Variants in SLC4A4 observed in about 807,000 individuals in gnomAD.
SLC4A4 encodes the protein solute carrier family 4 member 4.
In SLC4A4, 27 loss-of-function variants were observed where a neutral mutation model predicts 111.5. That is an observed-to-expected ratio of 0.24 (90% CI 0.18 to 0.33). The LOEUF is 0.33. SLC4A4 is among the 10% of genes least tolerant of loss of function. The probability of loss-of-function intolerance (pLI) is 1.00; values close to 1 mark genes in which losing one functional copy is unlikely to be tolerated. For missense variants in SLC4A4, 909 were observed against 1,315.5 expected (o/e 0.69, Z 4.78); for synonymous variants, 443 against 463.4 (o/e 0.96, Z 0.57).
chr4:71,560,066 T>G, intron 22 of SLC4A4, 27 bp from the exon 23 acceptor site: 1 of 1,571,638 alleles, frequency 6.4e-7, no homozygotes, highest in South Asian at 1.1e-5. Context: ...ATGGTTTCTT[T>G]CATACTTTTA....
Position 71,571,747 on chromosome 4 carries a change from C to T in SLC4A4, c.*3996C>T, listed in dbSNP as rs1407325241. 1.3e-5 allele frequency: 2 copies of T among 152,152 alleles called. No homozygotes were observed. The highest frequency in any genetic ancestry group is 2.9e-5 in the Non-Finnish European group (2 of 67,842). The allele number at this position is 152,152 out of a possible 1,614,324, so 9.4% of individuals were successfully genotyped here. ...TTCATGGCTGGTACATATTCGTACG[C>T]ATTACTTTTCAGAATCAATACGCAC... On this transcript the variant is annotated 3_prime_UTR_variant, in exon 26 of 26. Coordinates refer to ENST00000264485, the MANE Select transcript of SLC4A4 (RefSeq NM_001098484.3).
At chr4:71,136,158 A>T (rs1743837681) in intron 2 of SLC4A4, among the ~76,000 whole-genome samples, 1 of 152,198 alleles carries the variant, frequency 6.6e-6, no homozygotes, top group Non-Finnish European at 1.5e-5. Context: ...CCCTGTTTTA[A>T]TACTTCTGTG....
At chr4:71,199,554 C>T (rs1489742261) in intron 1 of SLC4A4, among the ~76,000 whole-genome samples, 1 of 152,184 alleles carries the variant, frequency 6.6e-6, no homozygotes, top group Non-Finnish European at 1.5e-5. Flanking sequence ...CCTGGAAAGT[C>T]TGGTGCCATG....
chr4:71,485,524 G>A (rs929823535), intron 14 of SLC4A4, among the ~76,000 whole-genome samples: 1 of 151,434 alleles, frequency 6.6e-6, no homozygotes, highest in Admixed American at 6.6e-5. Context: ...ATGTGCTTCA[G>A]CCTATTTTAA....
intron 6 of SLC4A4, among the ~76,000 whole-genome samples, chr4:71,380,419 T>G (rs1294739609): frequency 6.6e-6 from 1 of 152,182 alleles, no homozygotes; most frequent in African/African-American, 2.4e-5. Context: ...TCTGTCTCTT[T>G]CTGGGCAGGT....
At chr4:71,361,878 A>G (rs1380859141) in intron 6 of SLC4A4, among the ~76,000 whole-genome samples, 1 of 152,230 alleles carries the variant, frequency 6.6e-6, no homozygotes, top group South Asian at 2.1e-4. Context: ...TATTCATTCA[A>G]TAAATATTTA....
chr4:71,318,680 A>G (rs1726885592), intron 3 of SLC4A4, among the ~76,000 whole-genome samples: 1 of 152,044 alleles, frequency 6.6e-6, no homozygotes, highest in Non-Finnish European at 1.5e-5. Context: ...TGAATATAAC[A>G]TTACAAGAAC....
Position 71,472,926 on chromosome 4 carries a change from G to A in SLC4A4, c.1859G>A (p.Gly620Asp). The change falls in exon 14 of 26, where the codon GGC becomes GAC. Residue 620 changes from glycine to aspartate, a missense_variant. Gly to Asp is a moderately conservative substitution (Grantham distance 94). Around this residue, in one of 7 missense-constraint regions of SLC4A4, gnomAD observed 264 missense variants for 356.8 expected, o/e 0.74. Transcript: ENST00000264485. Reference sequence around the variant, plus strand: ...CCCATCAACTCCAACTTCAAAGTGGGCTACAACACTCTCTTTTCCTGTACC... The same window carrying A: ...CCCATCAACTCCAACTTCAAAGTGGACTACAACACTCTCTTTTCCTGTACC... ...YYPINSNFKV[G>D]YNTLFSCTCV... 6.2e-7 allele frequency: 1 copy of A among 1,612,948 alleles called. No homozygotes were observed. The highest frequency in any genetic ancestry group is 1.1e-5 in the South Asian group (1 of 91,044).
chr4:71,358,667 C>A (rs925061776), intron 6 of SLC4A4, among the ~76,000 whole-genome samples: 1 of 151,948 alleles, frequency 6.6e-6, no homozygotes, highest in Non-Finnish European at 1.5e-5. Context: ...TAGAATATTG[C>A]TGCTGATGGG....
chr4:71,094,632 C>T (rs1742489386), intron 2 of SLC4A4, among the ~76,000 whole-genome samples: 1 of 152,028 alleles, frequency 6.6e-6, no homozygotes, highest in Admixed American at 6.6e-5. Flanking sequence ...TTGACAAATC[C>T]CAATATGTTA....
chr4:71,265,555 C>A (rs1328114416), intron 3 of SLC4A4, among the ~76,000 whole-genome samples: 2 of 152,028 alleles, frequency 1.3e-5, no homozygotes, highest in Admixed American at 6.6e-5. Context: ...AAAGAAAAAT[C>A]ACTGGGTGAA....
chr4:71,180,483 T>A (rs1383050918), intron 2 of SLC4A4, among the ~76,000 whole-genome samples: 4 of 152,124 alleles, frequency 2.6e-5, no homozygotes, highest in Non-Finnish European at 5.9e-5. Flanking sequence ...AGAATCTACA[T>A]TGAACTCCAA....
intron 2 of SLC4A4, among the ~76,000 whole-genome samples, chr4:71,177,376 A>G (rs1465610899): frequency 1.3e-5 from 2 of 151,646 alleles, no homozygotes; most frequent in Non-Finnish European, 1.5e-5. Context: ...TAAAAGACAC[A>G]GACTGGCAAA....
Position 71,229,938 on chromosome 4 carries a change from C to T in SLC4A4, c.-1-6638C>T, listed in dbSNP as rs181815415. 2.2e-4 allele frequency among the ~76,000 whole-genome samples: 34 copies of T among 151,722 alleles called. No individual in the cohort carries two copies. In the East Asian group the frequency reaches 6.4e-3, roughly 29 times the overall value. On this transcript the variant is annotated intron_variant, in intron 1 of 25. Transcript: ENST00000264485. The stretch of plus-strand genomic sequence containing the variant: ...CAAAAGATGGCAGTGCACTTTGCAG[C>T]CACTGAGATCGCTCTTCCCTGTCGC...
intron 2 of SLC4A4, among the ~76,000 whole-genome samples, chr4:71,147,327 T>G (rs575197429): frequency 6.6e-6 from 1 of 152,158 alleles, no homozygotes; most frequent in African/African-American, 2.4e-5. Context: ...TCTCTTCCCC[T>G]GCTCTTCCTG....
At chr4:71,363,149 A>G (rs942746690) in intron 6 of SLC4A4, among the ~76,000 whole-genome samples, 1 of 152,178 alleles carries the variant, frequency 6.6e-6, no homozygotes, top group Non-Finnish European at 1.5e-5. Flanking sequence ...TTTTAAAAGC[A>G]TAGTCTATTG....
At chr4:71,286,338 A>T (rs1323781379) in intron 3 of SLC4A4, among the ~76,000 whole-genome samples, 1 of 152,214 alleles carries the variant, frequency 6.6e-6, no homozygotes, top group Non-Finnish European at 1.5e-5. Context: ...CTCCATGTGG[A>T]TTCAGTTGGA....
chr4:71,095,557 C>T (rs540799486), intron 2 of SLC4A4, among the ~76,000 whole-genome samples: 4 of 152,308 alleles, frequency 2.6e-5, no homozygotes, highest in East Asian at 3.9e-4. Context: ...TGCGCATTGC[C>T]TGCATAGGTT....
intron 7 of SLC4A4, among the ~76,000 whole-genome samples, chr4:71,439,900 C>T (rs116258919): frequency 1.7e-3 from 256 of 151,932 alleles, no homozygotes; most frequent in African/African-American, 6.0e-3. Flanking sequence ...ATCTGGTTCA[C>T]CCCTTACCTA....
Sources: gnomAD v4.1 joint callset for allele counts (sites outside exome capture counted in the v4.1 genomes callset) on GRCh38, gnomAD v4.1.1 for gene constraint, gnomAD v4.1.1 regional missense constraint, MANE v1.5 for transcripts, NCBI Gene and HGNC (gene_info 2026-07-23, HGNC 2026-07-21) for gene names.